NPAS2: variants seen among roughly 807,000 people sequenced by gnomAD.
The protein encoded by NPAS2 is neuronal PAS domain-containing protein 2.
In NPAS2, 23 loss-of-function variants were observed where a neutral mutation model predicts 107.5. The ratio of observed to expected loss-of-function variants is 0.21; its 90% CI spans 0.15 to 0.30. The LOEUF is 0.30. Among genes scored for constraint, NPAS2 ranks in the 10% least tolerant of loss-of-function variants. The pLI, the probability that NPAS2 is intolerant of heterozygous loss-of-function variation, is 1.00. For missense variants in NPAS2, 756 were observed against 1,043.3 expected (o/e 0.72, Z 3.79); for synonymous variants, 403 against 417.5 (o/e 0.97, Z 0.42).
chr2:100,847,768 C>T (rs563923021), intron 1 of NPAS2, among the ~76,000 whole-genome samples: 83 of 152,268 alleles, frequency 5.5e-4, no homozygotes, highest in African/African-American at 1.9e-3. Flanking sequence ...TCTCCTAGCA[C>T]GTTAATGTTC....
rs148858541 is a variant in NPAS2, at chr2:100,850,953, C to CAAAAAAAAA, written c.-23+30558_-23+30566dup. On this transcript the variant is annotated intron_variant, in intron 1 of 20. Transcript: ENST00000335681. ...GGGCAACAAGAGTGAAACTCTGTCT[C>CAAAAAAAAA]AAAAAAAAAAAAAAAAAAAAAAAAA... Among the ~76,000 whole-genome samples, 113 of 41,864 alleles carry CAAAAAAAAA rather than the reference C, an allele frequency of 2.7e-3. 19 individuals are homozygous for CAAAAAAAAA. Among genetic ancestry groups the CAAAAAAAAA allele is most frequent in the East Asian group, 0.015 (14 of 950 alleles). 27.5% of individuals were successfully genotyped at this position (41,864 alleles called of 152,430 possible).
intron 4 of NPAS2, 81 bp downstream of exon 4, chr2:100,933,082 A>G: frequency 1.0e-6 from 1 of 1,000,718 alleles, no homozygotes; most frequent in Non-Finnish European, 1.6e-6. Context: ...CTGTACCCAA[A>G]GGAAACTACT....
intron 1 of NPAS2, among the ~76,000 whole-genome samples, chr2:100,846,212 G>A (rs1251139292): frequency 6.6e-6 from 1 of 152,254 alleles, no homozygotes; most frequent in African/African-American, 2.4e-5. Flanking sequence ...AAATTCTAGG[G>A]TGGTAACATC....
intron 5 of NPAS2, among the ~76,000 whole-genome samples, chr2:100,939,118 T>C (rs1674417434): frequency 6.6e-6 from 1 of 152,112 alleles, no homozygotes; most frequent in Non-Finnish European, 1.5e-5. Flanking sequence ...GGCCCAGGGC[T>C]CCACATCATC....
chr2:100,935,345 T>C (rs1461773201), intron 4 of NPAS2, among the ~76,000 whole-genome samples: 1 of 152,218 alleles, frequency 6.6e-6, no homozygotes, highest in Non-Finnish European at 1.5e-5. Context: ...GAAGGTTTCG[T>C]TTCCCTCTAA....
intron 1 of NPAS2, among the ~76,000 whole-genome samples, chr2:100,900,988 TA>T (rs1380384507): frequency 2.0e-5 from 3 of 151,878 alleles, no homozygotes; most frequent in African/African-American, 7.2e-5. Flanking sequence ...TCTCCCACCC[TA>T]AGGGCTGGGA....
chr2:100,929,717 A>G (rs1423047398), intron 3 of NPAS2, among the ~76,000 whole-genome samples: 1 of 152,146 alleles, frequency 6.6e-6, no homozygotes, highest in Non-Finnish European at 1.5e-5. Flanking sequence ...GAGGGTGGAG[A>G]GCCTTTCACC....
intron 16 of NPAS2, chr2:100,983,400 T>C (rs1285477155): frequency 6.6e-6 from 1 of 152,330 alleles, no homozygotes; most frequent in African/African-American, 2.4e-5. Flanking sequence ...AGGGAGATGC[T>C]CATTTGGCCA....
At chr2:100,954,681 G>A (rs67673658) in intron 7 of NPAS2, among the ~76,000 whole-genome samples, 8,736 of 92,836 alleles carry the variant, frequency 0.094, 320 homozygotes, top group Middle Eastern at 0.15. Context: ...AAAAAAAAAA[G>A]AAAAAAAAGA....
At chr2:100,919,474 T>A (rs1459416028) in intron 2 of NPAS2, among the ~76,000 whole-genome samples, 1 of 152,246 alleles carries the variant, frequency 6.6e-6, no homozygotes, top group Non-Finnish European at 1.5e-5. Flanking sequence ...CTTGGCTCTT[T>A]CCCTACATCC....
At chr2:100,883,863 GC>G (rs1345603369) in intron 1 of NPAS2, among the ~76,000 whole-genome samples, 5 of 152,220 alleles carry the variant, frequency 3.3e-5, no homozygotes, top group Non-Finnish European at 7.3e-5. Context: ...TGATGGATCA[GC>G]ACCACAGTTC....
intron 1 of NPAS2, among the ~76,000 whole-genome samples, chr2:100,830,226 C>T (rs181092756): frequency 6.6e-6 from 1 of 152,068 alleles, no homozygotes; most frequent in Non-Finnish European, 1.5e-5. Flanking sequence ...ATGAGAATGC[C>T]TCTATTTTTT....
Position 100,906,431 on chromosome 2 carries a change from T to G in NPAS2, c.32+1645T>G, listed in dbSNP as rs115969759. 2.1e-3 allele frequency among the ~76,000 whole-genome samples: 324 copies of G among 152,334 alleles called. 1 individual carries two copies. The highest frequency in any genetic ancestry group is 7.2e-3 in the African/African-American group (300 of 41,576). On this transcript the variant is annotated intron_variant, in intron 2 of 20. Coordinates refer to ENST00000335681, the MANE Select transcript of NPAS2 (RefSeq NM_002518.4). ...AACTGACCCCTCATCTCTCAAAGCC[T>G]CTGTTTTCTCACCTGCAATGTAAGG... is the stretch of plus-strand genomic sequence containing the variant.
chr2:100,950,795 G>A (rs976880388), intron 7 of NPAS2, among the ~76,000 whole-genome samples: 7 of 152,190 alleles, frequency 4.6e-5, no homozygotes, highest in South Asian at 2.1e-4. Flanking sequence ...ATCGTCCCAG[G>A]TGGGCCCCTA....
intron 16 of NPAS2, chr2:100,982,906 T>C (rs903855472): frequency 6.5e-6 from 1 of 153,050 alleles, no homozygotes; most frequent in Non-Finnish European, 1.5e-5. Context: ...GCAGGGAAGC[T>C]CTGCAAAGCC....
rs755419482 is a variant in NPAS2, at chr2:100,990,747, A to C, written c.2019-33A>C. The C allele has an allele frequency of 2.5e-6, 4 of 1,590,446 alleles. No homozygotes were observed. In the South Asian group the frequency reaches 4.4e-5, roughly 18 times the overall value. On this transcript the variant is annotated intron_variant, in intron 18 of 20. Transcript: ENST00000335681. ...CAGTGGGTCTGTGGTTCAGGTGCTGATCAGTTTCCTATTTCCCCACCTCTG... is the reference window on the plus strand; with the variant it reads ...CAGTGGGTCTGTGGTTCAGGTGCTGCTCAGTTTCCTATTTCCCCACCTCTG...
chr2:100,981,626 G>A (rs1677445138), intron 15 of NPAS2, among the ~76,000 whole-genome samples: 1 of 152,156 alleles, frequency 6.6e-6, no homozygotes, highest in African/African-American at 2.4e-5. Flanking sequence ...AAGACTGGGT[G>A]ATTGTTTTGT....
chr2:100,897,599 C>A (rs760700398), intron 1 of NPAS2, among the ~76,000 whole-genome samples: 1 of 152,160 alleles, frequency 6.6e-6, no homozygotes, highest in Non-Finnish European at 1.5e-5. Flanking sequence ...CACTCCCACA[C>A]TCCCTTCAGG....
intron 1 of NPAS2, among the ~76,000 whole-genome samples, chr2:100,857,613 C>T (rs1028714613): frequency 1.1e-4 from 17 of 152,286 alleles, no homozygotes; most frequent in Admixed American, 1.0e-3. Context: ...GGGTTCTAAT[C>T]GTGAAAGGCC....
Sources: allele counts gnomAD v4.1 joint callset (sites outside exome capture counted in the v4.1 genomes callset), GRCh38; gene constraint gnomAD v4.1.1; transcripts MANE v1.5; gene names NCBI Gene and HGNC (gene_info 2026-07-23, HGNC 2026-07-21).